The following ZNF326 variants were observed in gnomAD, a reference collection of about 807,000 sequenced individuals.
The protein encoded by ZNF326 is DBIRD complex subunit ZNF326.
A neutral mutation model predicts 63.1 loss-of-function variants in ZNF326; 30 were observed. The ratio of observed to expected loss-of-function variants is 0.48; its 90% CI spans 0.36 to 0.64. The LOEUF (loss-of-function observed/expected upper bound fraction) is 0.64, where lower values mean the gene tolerates loss of function less well. Among genes scored for constraint, ZNF326 ranks in the 30% least tolerant of loss-of-function variants. ZNF326 has a pLI of 0.00. For synonymous variants in ZNF326, 194 were observed against 228.2 expected, an observed-to-expected ratio of 0.85 and a Z score of 1.35; for missense variants, 609 against 720.3, an observed-to-expected ratio of 0.85 and a Z score of 1.77.
chr1:90,018,076 G>A (rs947463727), intron 8 of ZNF326, among the ~76,000 whole-genome samples: 7 of 152,200 alleles, frequency 4.6e-5, no homozygotes, highest in African/African-American at 1.2e-4. Context: ...GGTGGATCAC[G>A]AGGTCAGGGG....
At position 90,018,628 on chromosome 1, in the gene ZNF326, CATT is replaced by C. The variant is rs1649613326; in HGVS notation, c.1075-54_1075-52del. 3.2e-6 allele frequency: 3 copies of C among 935,788 alleles called. No individual in the cohort carries two copies. The African/African-American group carries it at 5.1e-5, about 16-fold the overall frequency. The allele number at this position is 935,788 out of a possible 1,614,324, so 58.0% of individuals were successfully genotyped here. The stretch of plus-strand genomic sequence containing the variant: ...TCCATAGAATGAACATAGTGCTAAG[CATT>C]ATACTTGAGTGCTCATTGAAAGCTA... On this transcript the variant is annotated intron_variant, in intron 8 of 11. Transcript: ENST00000340281.
In ZNF326 at chr1:90,017,267, T is replaced by C. The variant is rs373049616; in HGVS notation, c.927-50T>C. On this transcript the variant is annotated intron_variant, in intron 7 of 11. Coordinates refer to ENST00000340281, the MANE Select transcript of ZNF326 (RefSeq NM_182976.4). ...CAATGTTATATTCTTATGAACTCTT[T>C]ATAGTTGAATAAAGTAATATTTAAA... The C allele has an allele frequency of 5.3e-6, 7 of 1,313,368 alleles. No homozygotes were observed. The African/African-American group carries it at 6.0e-5, about 11-fold the overall frequency. The allele number at this position is 1,313,368 out of a possible 1,614,324, so 81.4% of individuals were successfully genotyped here.
chr1:89,995,484 CAA>C (rs1198679776), intron 1 of ZNF326, among the ~76,000 whole-genome samples: 2 of 152,388 alleles, frequency 1.3e-5, no homozygotes, highest in Non-Finnish European at 1.5e-5. Flanking sequence ...CCGGCGGAGA[CAA>C]GAGAACTCGG....
At chr1:90,020,315 T>C in intron 9 of ZNF326, among the ~76,000 whole-genome samples, 1 of 152,052 alleles carries the variant, frequency 6.6e-6, no homozygotes, top group East Asian at 1.9e-4. Context: ...GAAAGTACCA[T>C]TCTCTTACAC....
chr1:90,020,131 G>A (rs374132038), intron 9 of ZNF326, among the ~76,000 whole-genome samples: 4 of 151,956 alleles, frequency 2.6e-5, no homozygotes, highest in Admixed American at 6.5e-5. Flanking sequence ...CTTATCTTAC[G>A]ATTTTATTAC....
At chr1:90,016,795 A>G (rs909996387) in intron 7 of ZNF326, among the ~76,000 whole-genome samples, 3 of 152,140 alleles carry the variant, frequency 2.0e-5, no homozygotes, top group African/African-American at 7.2e-5. Context: ...TCTTGAGCTT[A>G]CAGATGTATG....
intron 4 of ZNF326, chr1:90,005,934 A>G (rs918753204): frequency 1.8e-5 from 18 of 985,440 alleles, no homozygotes; most frequent in Middle Eastern, 5.2e-4. Flanking sequence ...GCTTAAACCT[A>G]CTTAAACAAC....
At position 90,032,988 on chromosome 1, in the gene ZNF326, A is replaced by G. The variant is rs1214186816; in HGVS notation, c.*5287A>G. The stretch of plus-strand genomic sequence containing the variant: ...ACAAAGAAAAATCTGCCAGCTGTCT[A>G]TTTCCCAATTTTCCTTCTGACTGTT... On this transcript the variant is annotated 3_prime_UTR_variant, in exon 12 of 12. Transcript: ENST00000340281. The G allele has an allele frequency of 2.0e-5, 3 of 152,182 alleles. No individual in the cohort carries two copies. Among genetic ancestry groups the G allele is most frequent in the East Asian group, 1.9e-4 (1 of 5,194 alleles). 9.4% of individuals were successfully genotyped at this position (152,182 alleles called of 1,614,324 possible).
intron 7 of ZNF326, among the ~76,000 whole-genome samples, chr1:90,014,920 A>C (rs544395543): frequency 1.3e-5 from 2 of 152,154 alleles, no homozygotes; most frequent in African/African-American, 2.4e-5. Context: ...TAATTGCCCT[A>C]TGAGTACTTT....
intron 4 of ZNF326, among the ~76,000 whole-genome samples, chr1:90,006,949 A>C (rs891400587): frequency 6.6e-6 from 1 of 152,194 alleles, no homozygotes; most frequent in African/African-American, 2.4e-5. Context: ...AATATTGTAA[A>C]TGTTTTGTAA....
intron 4 of ZNF326, 92 bp downstream of exon 4, chr1:90,005,336 T>G: frequency 6.7e-7 from 1 of 1,500,854 alleles, no homozygotes; most frequent in African/African-American, 1.4e-5. Context: ...TTATGATACT[T>G]GAACTTCACT....
chr1:90,007,277 T>C lies in ZNF326; in HGVS notation c.210-68T>C. ...AGTTGATAAATGTCATCTGATAATT[T>C]GTCTTTTGAATTGTCTAACATTAGT... On this transcript the variant is annotated intron_variant, in intron 4 of 11. Coordinates refer to ENST00000340281, the MANE Select transcript of ZNF326 (RefSeq NM_182976.4). This position sits in a 1 kb window ranked among gnomAD's most constrained non-coding sequence, Gnocchi z 4.9. 1 of 1,434,620 alleles carries C rather than the reference T, an allele frequency of 7.0e-7. No homozygotes were observed. Among genetic ancestry groups the C allele is most frequent in the Non-Finnish European group, 9.4e-7 (1 of 1,060,316 alleles). The allele number at this position is 1,434,620 out of a possible 1,614,324, so 88.9% of individuals were successfully genotyped here.
chr1:90,013,046 A>T (rs1321482826), intron 6 of ZNF326, 80 bp from the exon 7 acceptor site: 1 of 1,212,042 alleles, frequency 8.3e-7, no homozygotes, highest in South Asian at 1.6e-5. Context: ...CCTCATAAGT[A>T]TGTACTTTAC....
At chr1:90,008,743 CTT>C (rs750951971) in intron 5 of ZNF326, among the ~76,000 whole-genome samples, 1 of 152,114 alleles carries the variant, frequency 6.6e-6, no homozygotes, top group Admixed American at 6.5e-5. Context: ...TGGTTATTAG[CTT>C]TTGATATGTC....
intron 6 of ZNF326, among the ~76,000 whole-genome samples, chr1:90,010,834 G>T (rs917309016): frequency 6.6e-6 from 1 of 151,932 alleles, no homozygotes; most frequent in Non-Finnish European, 1.5e-5. Context: ...TTTGAAAAAG[G>T]TTTAAAAGGT....
Position 90,007,186 on chromosome 1 carries a change from G to T in ZNF326, c.210-159G>T, listed in dbSNP as rs758668567. ...TTTCTATCTGGTCTCACGTTGAACTGCCCAGCCCTAATCAAATGTGAACAA... is the reference window on the plus strand; with the variant it reads ...TTTCTATCTGGTCTCACGTTGAACTTCCCAGCCCTAATCAAATGTGAACAA... On this transcript the variant is annotated intron_variant, in intron 4 of 11. Coordinates refer to ENST00000340281, the MANE Select transcript of ZNF326 (RefSeq NM_182976.4). The surrounding 1 kb of genome is among the most constrained non-coding windows in gnomAD (Gnocchi z 4.9). Among the ~76,000 whole-genome samples the T allele has an allele frequency of 5.9e-5, 9 of 152,162 alleles. No individual in the cohort carries two copies. Among genetic ancestry groups the T allele is most frequent in the Non-Finnish European group, 1.0e-4 (7 of 68,032 alleles).
intron 11 of ZNF326, among the ~76,000 whole-genome samples, chr1:90,026,162 A>G (rs1179725717): frequency 6.6e-6 from 1 of 151,710 alleles, no homozygotes; most frequent in Non-Finnish European, 1.5e-5. Context: ...TCGGGGTTTC[A>G]CCGTGTTAGC....
chr1:90,011,819 C>A (rs1019951946), intron 6 of ZNF326, among the ~76,000 whole-genome samples: 5 of 151,932 alleles, frequency 3.3e-5, no homozygotes, highest in Non-Finnish European at 7.4e-5. Context: ...AAGTAGTATT[C>A]CAACAAAAAT....
At chr1:90,005,504 T>G in intron 4 of ZNF326, 1 of 1,104,568 alleles carries the variant, frequency 9.1e-7, no homozygotes, top group Non-Finnish European at 1.1e-6. Context: ...CAGTGAACTT[T>G]TAAAAAATTC....
Sources: gnomAD v4.1 joint callset for allele counts (sites outside exome capture counted in the v4.1 genomes callset) on GRCh38, gnomAD v4.1.1 for gene constraint, Gnocchi (gnomAD v3.1) non-coding constraint, MANE v1.5 for transcripts, NCBI Gene and HGNC (gene_info 2026-07-23, HGNC 2026-07-21) for gene names.